The following ACP6 variants were observed in gnomAD, a reference collection of about 807,000 sequenced individuals.
ACP6 encodes the protein acid phosphatase 6, lysophosphatidic, also known as lysophosphatidic acid phosphatase type 6.
ACP6 carries 48 observed loss-of-function variants against 48.1 expected under a neutral mutation model. The ratio of observed to expected loss-of-function variants is 1.00; its 90% confidence interval spans 0.79 to 1.27. The LOEUF (loss-of-function observed/expected upper bound fraction) is 1.27, where lower values mean the gene tolerates loss of function less well. Ranked by LOEUF, ACP6 falls within the 50% of genes most tolerant of loss-of-function variation. The pLI, the probability that ACP6 is intolerant of heterozygous loss-of-function variation, is 0.00. For missense variants in ACP6, 485 were observed against 529.1 expected, an observed-to-expected ratio of 0.92 and a Z score of 0.82; for synonymous variants, 172 against 204.2, an observed-to-expected ratio of 0.84 and a Z score of 1.34.
At position 147,647,336 on chromosome 1, in the gene ACP6, C is replaced by G; in HGVS notation, c.*87G>C. On this transcript the variant is annotated 3_prime_UTR_variant, in exon 10 of 10. Transcript: ENST00000583509. ...ATATTAAAGTACATTACCCCTTGCT[C>G]TCTCCTCTTCCCAAACACACAAAGC... The G allele has an allele frequency of 1.4e-6, 2 of 1,475,418 alleles. No individual in the cohort carries two copies. The highest frequency in any genetic ancestry group is 1.9e-6 in the Non-Finnish European group (2 of 1,078,160). 91.4% of individuals were successfully genotyped at this position (1,475,418 alleles called of 1,614,324 possible).
At chr1:147,638,916 G>A (rs1328695271), downstream of ACP6, among the ~76,000 whole-genome samples, 2 of 152,164 alleles carry the variant, frequency 1.3e-5, no homozygotes, top group Non-Finnish European at 2.9e-5. Flanking sequence ...GAGTGCAGTG[G>A]CACGAACACG....
Position 147,655,150 on chromosome 1 carries a change from G to T in ACP6, c.647+11C>A. ...TCCCCAACTGGTGAGCAAGAACCCA[G>T]GGGCAGTTACCTGGTTCTCTGCCTC... On this transcript the variant is annotated intron_variant, in intron 5 of 9. Coordinates refer to ENST00000583509, the MANE Select transcript of ACP6 (RefSeq NM_016361.5). 1 of 1,593,596 alleles carries T rather than the reference G, an allele frequency of 6.3e-7. No individual in the cohort carries two copies. The highest frequency in any genetic ancestry group is 2.3e-5 in the East Asian group (1 of 44,170).
chr1:147,655,073 G>C, intron 5 of ACP6, 88 bp downstream of exon 5: 1 of 1,085,848 alleles, frequency 9.2e-7, no homozygotes. Context: ...GGTAAGCCTG[G>C]ACAGGCCCTC....
chr1:147,655,456 A>G (rs190533863), intron 4 of ACP6, among the ~76,000 whole-genome samples: 18 of 152,328 alleles, frequency 1.2e-4, no homozygotes, highest in Non-Finnish European at 2.4e-4. Context: ...CAATGAAAAA[A>G]GTTAGTGGCA....
intron 8 of ACP6, among the ~76,000 whole-genome samples, chr1:147,649,293 G>A (rs1659787658): frequency 6.6e-6 from 1 of 152,164 alleles, no homozygotes; most frequent in Non-Finnish European, 1.5e-5. Flanking sequence ...TCAGGCTGGA[G>A]CCTGAGAACC....
chr1:147,645,715 T>C lies in ACP6; in HGVS notation c.*1708A>G, dbSNP rs1659598686. ...TGAATACTTAATTGTAGCTGGTTCATGAGAGAACTGGAAGGGAAGAATTAG... is the reference window on the plus strand; with the variant it reads ...TGAATACTTAATTGTAGCTGGTTCACGAGAGAACTGGAAGGGAAGAATTAG... On this transcript the variant is annotated 3_prime_UTR_variant, in exon 10 of 10. Transcript: ENST00000583509. The C allele has an allele frequency of 6.6e-6, 1 of 152,154 alleles. No homozygotes were observed. Among genetic ancestry groups the C allele is most frequent in the Non-Finnish European group, 1.5e-5 (1 of 68,048 alleles). 9.4% of individuals were successfully genotyped at this position (152,154 alleles called of 1,614,324 possible).
At chr1:147,656,820 T>C (rs1454987319) in intron 4 of ACP6, among the ~76,000 whole-genome samples, 1 of 152,198 alleles carries the variant, frequency 6.6e-6, no homozygotes, top group Non-Finnish European at 1.5e-5. Context: ...CAATCAACCA[T>C]GGATTAACAA....
At chr1:147,635,904 TGAG>T (rs1436052398) in intron 5 of ACP6, among the ~76,000 whole-genome samples, 59 of 152,174 alleles carry the variant, frequency 3.9e-4, no homozygotes, top group African/African-American at 1.3e-3. Flanking sequence ...ATCTAACTGA[TGAG>T]GAAATGGTTG....
At chr1:147,633,941 A>G (rs1659235275) in intron 5 of ACP6, among the ~76,000 whole-genome samples, 1 of 152,202 alleles carries the variant, frequency 6.6e-6, no homozygotes, top group African/African-American at 2.4e-5. Context: ...GTACATTCAC[A>G]TTGTTGTGCA....
At chr1:147,660,893 G>A (rs143599880) in intron 1 of ACP6, among the ~76,000 whole-genome samples, 4 of 151,920 alleles carry the variant, frequency 2.6e-5, no homozygotes, top group Admixed American at 1.3e-4. Context: ...TCATTTTTAC[G>A]TGATGAAAAT....
At chr1:147,652,931 A>AT (rs1181219891) in intron 6 of ACP6, among the ~76,000 whole-genome samples, 3 of 152,210 alleles carry the variant, frequency 2.0e-5, no homozygotes, top group Non-Finnish European at 4.4e-5. Context: ...GGTTCACGCC[A>AT]TTTTCCTGTC....
chr1:147,635,166 A>G (rs1553207841), intron 5 of ACP6, among the ~76,000 whole-genome samples: 1 of 152,190 alleles, frequency 6.6e-6, no homozygotes, highest in African/African-American at 2.4e-5. Context: ...TAGAAATCTG[A>G]GAGTATCTTC....
Position 147,659,783 on chromosome 1 carries a change from T to C in ACP6, c.220-8A>G, listed in dbSNP as rs782440764. On this transcript the variant is annotated splice_polypyrimidine_tract_variant and splice_region_variant and intron_variant, in intron 1 of 9. Coordinates refer to ENST00000583509, the MANE Select transcript of ACP6 (RefSeq NM_016361.5). ...CTGGGGGTTCCACTCTACCTGTTAG[T>C]ACAAAAAAAACACACCACATTGTTT... 10 of 1,611,416 alleles carry C rather than the reference T, an allele frequency of 6.2e-6. No homozygotes were observed. The highest frequency in any genetic ancestry group is 4.5e-5 in the East Asian group (2 of 44,878).
intron 1 of ACP6, among the ~76,000 whole-genome samples, chr1:147,664,179 C>T (rs781943540): frequency 2.6e-5 from 4 of 152,080 alleles, no homozygotes; most frequent in Non-Finnish European, 4.4e-5. Flanking sequence ...CACAGAGAGG[C>T]CTTCTTCCTT....
At chr1:147,650,084 T>C in intron 8 of ACP6, 59 bp downstream of exon 8, 5 of 1,505,698 alleles carry the variant, frequency 3.3e-6, no homozygotes, top group Non-Finnish European at 2.7e-6. Context: ...GTTCCCTCCC[T>C]ACAGCCAGAA....
chr1:147,643,524 G>C lies in ACP6; in HGVS notation c.*3899C>G, dbSNP rs1350167388. The C allele has an allele frequency of 6.6e-6, 1 of 152,224 alleles. No individual in the cohort carries two copies. Among genetic ancestry groups the C allele is most frequent in the Non-Finnish European group, 1.5e-5 (1 of 68,072 alleles). 9.4% of individuals were successfully genotyped at this position (152,224 alleles called of 1,614,324 possible). A position where few individuals can be genotyped will look rare whatever the true frequency, so the allele number is the denominator to read the frequency against. ...AGATCTGAATGAAAAGAGGGAGCTAGCCACGCAAATGTCTAGGAGAGCATT... is the reference window on the plus strand; with the variant it reads ...AGATCTGAATGAAAAGAGGGAGCTACCCACGCAAATGTCTAGGAGAGCATT... On this transcript the variant is annotated 3_prime_UTR_variant, in exon 10 of 10. Coordinates refer to ENST00000583509, the MANE Select transcript of ACP6 (RefSeq NM_016361.5).
rs587634184 is a variant in ACP6, at chr1:147,670,060, C to T, written c.-12G>A. ...ACACCAGTGATCATGGTGGTAGGCC[C>T]TCGCTGCCCTCCGGGTTGAGGCTGC... On this transcript the variant is annotated 5_prime_UTR_variant, in exon 1 of 10. Transcript: ENST00000583509. 7.4e-6 allele frequency: 11 copies of T among 1,490,308 alleles called. No homozygotes were observed. Among genetic ancestry groups the T allele is most frequent in the Middle Eastern group, 1.9e-4 (1 of 5,214 alleles). 92.3% of individuals were successfully genotyped at this position (1,490,308 alleles called of 1,614,324 possible).
intron 9 of ACP6, chr1:147,647,774 C>G: frequency 1.5e-6 from 1 of 681,860 alleles, no homozygotes; most frequent in Non-Finnish European, 2.4e-6. Context: ...GTTGAATTGA[C>G]TGGGAAGAAA....
At chr1:147,659,224 A>G (rs1434130121) in intron 3 of ACP6, 172 bp downstream of exon 3, 1 of 1,079,224 alleles carries the variant, frequency 9.3e-7, no homozygotes, top group African/African-American at 1.6e-5. Flanking sequence ...AATGAATGCG[A>G]CCTCCAGGAA....
Sources: allele counts gnomAD v4.1 joint callset (sites outside exome capture counted in the v4.1 genomes callset), GRCh38; gene constraint gnomAD v4.1.1; transcripts MANE v1.5; gene names NCBI Gene and HGNC (gene_info 2026-07-23, HGNC 2026-07-21).